The following SCFD2 variants were observed in gnomAD, a reference collection of about 807,000 sequenced individuals.
SCFD2 encodes sec1 family domain-containing protein 2.
SCFD2 carries 54 observed loss-of-function variants against 58.9 expected under a neutral mutation model. That is an observed-to-expected ratio of 0.92 (90% CI 0.74 to 1.15). SCFD2 has a LOEUF of 1.15. Ranked by LOEUF, SCFD2 falls within the 50% of genes most tolerant of loss-of-function variation. SCFD2 has a pLI of 0.00. For synonymous variants in SCFD2, 321 were observed against 335.9 expected, an observed-to-expected ratio of 0.96 and a Z score of 0.49; for missense variants, 805 against 836.6, an observed-to-expected ratio of 0.96 and a Z score of 0.47.
At chr4:52,927,727 G>A (rs1468202182) in intron 5 of SCFD2, among the ~76,000 whole-genome samples, 3 of 152,202 alleles carry the variant, frequency 2.0e-5, no homozygotes, top group African/African-American at 7.2e-5. Context: ...CAGCTGGGAA[G>A]AGCAGGTGTG....
At chr4:53,066,772 T>C (rs1197370104) in intron 5 of SCFD2, among the ~76,000 whole-genome samples, 1 of 152,104 alleles carries the variant, frequency 6.6e-6, no homozygotes, top group Non-Finnish European at 1.5e-5. Context: ...TCCCTGGGGA[T>C]GTCTTTCCTG....
At chr4:53,047,697 T>A (rs1362668118) in intron 5 of SCFD2, among the ~76,000 whole-genome samples, 1 of 152,226 alleles carries the variant, frequency 6.6e-6, no homozygotes, top group Non-Finnish European at 1.5e-5. Flanking sequence ...GCTCTGTGGT[T>A]CCATTTAGGT....
At chr4:53,087,002 T>C (rs897549613) in intron 5 of SCFD2, among the ~76,000 whole-genome samples, 1 of 152,126 alleles carries the variant, frequency 6.6e-6, no homozygotes, top group Non-Finnish European at 1.5e-5. Context: ...TAGTCAACAA[T>C]AATTTAGATA....
chr4:53,246,177 T>C (rs1242696782), intron 4 of SCFD2, among the ~76,000 whole-genome samples: 1 of 152,094 alleles, frequency 6.6e-6, no homozygotes, highest in Non-Finnish European at 1.5e-5. Flanking sequence ...TACAAAACAC[T>C]GCTCAAAAAA....
intron 5 of SCFD2, among the ~76,000 whole-genome samples, chr4:53,129,692 T>C (rs1725732901): frequency 6.6e-6 from 1 of 152,234 alleles, no homozygotes; most frequent in Admixed American, 6.5e-5. Context: ...AAGGATAAAT[T>C]TTCTTTTATG....
chr4:53,104,399 C>T (rs1724925597), intron 5 of SCFD2, among the ~76,000 whole-genome samples: 1 of 152,158 alleles, frequency 6.6e-6, no homozygotes, highest in Non-Finnish European at 1.5e-5. Context: ...TTCCTCAATA[C>T]TGTCATGGTC....
At chr4:53,341,447 T>C (rs1733868671) in intron 2 of SCFD2, among the ~76,000 whole-genome samples, 1 of 152,098 alleles carries the variant, frequency 6.6e-6, no homozygotes, top group South Asian at 2.1e-4. Context: ...CCAAGAAATA[T>C]GGGACTATGT....
chr4:53,133,560 G>T (rs1221011395), intron 5 of SCFD2, among the ~76,000 whole-genome samples: 1 of 152,090 alleles, frequency 6.6e-6, no homozygotes, highest in Non-Finnish European at 1.5e-5. Context: ...ATTTTATATG[G>T]TCTACATTAG....
At chr4:53,364,055 T>C (rs1405883860) in intron 1 of SCFD2, among the ~76,000 whole-genome samples, 1 of 152,158 alleles carries the variant, frequency 6.6e-6, no homozygotes, top group Non-Finnish European at 1.5e-5. Flanking sequence ...CATCTACTTA[T>C]CAGGTTTTAT....
chr4:53,291,062 T>TAG (rs1370780642), intron 3 of SCFD2, among the ~76,000 whole-genome samples: 1 of 152,020 alleles, frequency 6.6e-6, no homozygotes, highest in Non-Finnish European at 1.5e-5. Flanking sequence ...ACAAAAAAAT[T>TAG]AGAGCTAAAG....
chr4:53,075,645 G>A (rs1008071676), intron 5 of SCFD2, among the ~76,000 whole-genome samples: 1 of 152,188 alleles, frequency 6.6e-6, no homozygotes, highest in Non-Finnish European at 1.5e-5. Context: ...TCCCATGGAA[G>A]AGGAAAGTCT....
intron 4 of SCFD2, among the ~76,000 whole-genome samples, chr4:53,181,649 T>C (rs1480014090): frequency 6.6e-6 from 1 of 152,166 alleles, no homozygotes; most frequent in Non-Finnish European, 1.5e-5. Flanking sequence ...TTGGAAGTTC[T>C]GGCCAGGGCA....
At chr4:53,308,247 A>G (rs1040741015) in intron 3 of SCFD2, among the ~76,000 whole-genome samples, 2 of 152,250 alleles carry the variant, frequency 1.3e-5, no homozygotes, top group Admixed American at 1.3e-4. Context: ...GCTATTCAAT[A>G]AAAGTTAATT....
rs1300617551 is a variant in SCFD2, at chr4:53,081,364, G to A, written c.1561+63969C>T. Among the ~76,000 whole-genome samples the A allele has an allele frequency of 2.0e-5, 3 of 152,064 alleles. No homozygotes were observed. In the South Asian group the frequency reaches 6.2e-4, roughly 32 times the overall value. On this transcript the variant is annotated intron_variant, in intron 5 of 8. Coordinates refer to ENST00000401642, the MANE Select transcript of SCFD2 (RefSeq NM_152540.4). ...GTACGGATCCCATCACCCAGACAGTGAGTATAATACCCAATAGGGAGTTTT... is the reference window on the plus strand; with the variant it reads ...GTACGGATCCCATCACCCAGACAGTAAGTATAATACCCAATAGGGAGTTTT...
intron 5 of SCFD2, among the ~76,000 whole-genome samples, chr4:53,044,382 C>T (rs1722974125): frequency 6.6e-6 from 1 of 152,070 alleles, no homozygotes; most frequent in Non-Finnish European, 1.5e-5. Context: ...TTTATCTCGT[C>T]CTCCCACCTA....
chr4:53,170,181 C>G (rs1727139056), intron 4 of SCFD2, among the ~76,000 whole-genome samples: 1 of 152,088 alleles, frequency 6.6e-6, no homozygotes, highest in South Asian at 2.1e-4. Context: ...TAGTGTCTAA[C>G]TCATTTTCAG....
chr4:53,258,155 T>C (rs1470418295), intron 4 of SCFD2, among the ~76,000 whole-genome samples: 1 of 152,238 alleles, frequency 6.6e-6, no homozygotes, highest in African/African-American at 2.4e-5. Context: ...CATCAAGTTT[T>C]GTCAATGACT....
chr4:53,103,913 A>AG (rs1380711631), intron 5 of SCFD2, among the ~76,000 whole-genome samples: 26 of 139,600 alleles, frequency 1.9e-4, no homozygotes, highest in Admixed American at 1.0e-3. Flanking sequence ...AAAAAAAAAA[A>AG]AAAGAAAATG....
chr4:53,079,050 A>T (rs1405954056), intron 5 of SCFD2, among the ~76,000 whole-genome samples: 3 of 152,216 alleles, frequency 2.0e-5, no homozygotes, highest in African/African-American at 7.2e-5. Context: ...ACATAACTAT[A>T]GAGGTTGAGA....
Sources: gnomAD v4.1 joint callset for allele counts (sites outside exome capture counted in the v4.1 genomes callset) on GRCh38, gnomAD v4.1.1 for gene constraint, MANE v1.5 for transcripts, NCBI Gene and HGNC (gene_info 2026-07-23, HGNC 2026-07-21) for gene names.